Variants in PEX3 observed in about 807,000 individuals in gnomAD.
The protein encoded by PEX3 is peroxin-3.
Under a neutral mutation model 55.8 loss-of-function variants are expected in PEX3, and 30 were observed. That is an observed-to-expected ratio of 0.54 (90% confidence interval 0.40 to 0.73). PEX3 has a LOEUF of 0.73. PEX3 is among the 30% of genes least tolerant of loss of function. PEX3 has a pLI of 0.00. For missense variants in PEX3, 351 were observed against 432.8 expected, an observed-to-expected ratio of 0.81 and a Z score of 1.68; for synonymous variants, 135 against 148.4, an observed-to-expected ratio of 0.91 and a Z score of 0.66.
Position 143,473,814 on chromosome 6 carries a change from G to A in PEX3, c.748-972G>A, listed in dbSNP as rs1455518422. On this transcript the variant is annotated intron_variant, in intron 8 of 11. Transcript: ENST00000367591. ...TTAAGCTCAGCAGTTCGAGTCCGTG[G>A]TGTGCTATGGTTGCACCATTGCACT... 2.6e-5 allele frequency among the ~76,000 whole-genome samples: 4 copies of A among 151,948 alleles called. No individual in the cohort carries two copies. In the East Asian group the frequency reaches 7.7e-4, roughly 29 times the overall value.
chr6:143,472,023 C>T, intron 7 of PEX3, 137 bp from the exon 8 acceptor site: 1 of 688,920 alleles, frequency 1.5e-6, no homozygotes. Flanking sequence ...ATTTCGTAAT[C>T]CATTCTATTC....
rs1780356512 is a variant in PEX3 at position 143,489,388 on chromosome 6, TA to T, written c.*164del. 1.4e-5 allele frequency: 8 copies of T among 575,654 alleles called. No homozygotes were observed. Among genetic ancestry groups the T allele is most frequent in the Non-Finnish European group, 2.2e-5 (7 of 322,866 alleles). 35.7% of individuals were successfully genotyped at this position (575,654 alleles called of 1,614,324 possible). A position where few individuals can be genotyped will look rare whatever the true frequency, so the allele number is the denominator to read the frequency against. ...AATGAAATCAATTTATTTGGCATCT[TA>T]ATATATTTTTTTAGATTCATCAACA... is the stretch of plus-strand genomic sequence containing the variant. On this transcript the variant is annotated 3_prime_UTR_variant, in exon 12 of 12. Coordinates refer to ENST00000367591, the MANE Select transcript of PEX3 (RefSeq NM_003630.3). The surrounding 1 kb of genome is among the most constrained non-coding windows in gnomAD (Gnocchi z 5.5).
intron 4 of PEX3, among the ~76,000 whole-genome samples, chr6:143,469,933 T>G (rs1393349967): frequency 6.6e-6 from 1 of 152,158 alleles, no homozygotes; most frequent in African/African-American, 2.4e-5. Flanking sequence ...TGTAGTTCCT[T>G]TCAGCTTTTA....
At position 143,451,015 on chromosome 6, in the gene PEX3, A is replaced by G. The variant is rs369640343; in HGVS notation, c.-28A>G. On this transcript the variant is annotated 5_prime_UTR_variant, in exon 1 of 12. Coordinates refer to ENST00000367591, the MANE Select transcript of PEX3 (RefSeq NM_003630.3). This position sits in a 1 kb window ranked among gnomAD's most constrained non-coding sequence, Gnocchi z 4.1. The stretch of plus-strand genomic sequence containing the variant: ...CCTGGTGAAGCAGTCCCTCACCCCT[A>G]GTCAGCCCACACCCCTAGGGCCTAA... 16 of 1,549,568 alleles carry G rather than the reference A, an allele frequency of 1.0e-5. No homozygotes were observed. In the African/African-American group the frequency reaches 1.5e-4, roughly 14 times the overall value.
At chr6:143,477,564 G>A (rs1379187199) in intron 9 of PEX3, among the ~76,000 whole-genome samples, 1 of 152,152 alleles carries the variant, frequency 6.6e-6, no homozygotes, top group African/African-American at 2.4e-5. Context: ...GGGTAGATGG[G>A]TGGGACAAGT....
Position 143,488,413 on chromosome 6 carries a change from A to G in PEX3, c.1039-730A>G, listed in dbSNP as rs996736662. On this transcript the variant is annotated intron_variant, in intron 11 of 11. Transcript: ENST00000367591. This position sits in a 1 kb window ranked among gnomAD's most constrained non-coding sequence, Gnocchi z 4.9. ...CAAAATTTCTTTTAAAATTAAGTGT[A>G]TGATATAGCGGTATTGCTTCTTTAT... Among the ~76,000 whole-genome samples the G allele has an allele frequency of 2.6e-5, 4 of 152,158 alleles. No individual in the cohort carries two copies. The highest frequency in any genetic ancestry group is 9.6e-5 in the African/African-American group (4 of 41,462).
In PEX3 at chr6:143,476,741, A is replaced by C. The variant is rs1205338515; in HGVS notation, c.818+1885A>C. Reference sequence around the variant, plus strand: ...CATTTTGGCAGTGTTAAGCATATCCAAGTGGATATGCCTATTGGCAATTGA... The same window carrying C: ...CATTTTGGCAGTGTTAAGCATATCCCAGTGGATATGCCTATTGGCAATTGA... On this transcript the variant is annotated intron_variant, in intron 9 of 11. Transcript: ENST00000367591. This position sits in a 1 kb window ranked among gnomAD's most constrained non-coding sequence, Gnocchi z 5.4. Among the ~76,000 whole-genome samples the C allele has an allele frequency of 6.6e-6, 1 of 152,224 alleles. No homozygotes were observed. The highest frequency in any genetic ancestry group is 1.5e-5 in the Non-Finnish European group (1 of 68,030).
rs1779949621 is a variant in PEX3 at position 143,463,344 on chromosome 6, T to G, written c.287+347T>G. 6.6e-6 allele frequency among the ~76,000 whole-genome samples: 1 copy of G among 152,234 alleles called. No homozygotes were observed. The highest frequency in any genetic ancestry group is 1.5e-5 in the Non-Finnish European group (1 of 68,030). Reference sequence around the variant, plus strand: ...ACAAAGTTACGTTAAATATTGTGCTTCTTTCTGAAAGAGCTTACGGTGTAA... The same window carrying G: ...ACAAAGTTACGTTAAATATTGTGCTGCTTTCTGAAAGAGCTTACGGTGTAA... On this transcript the variant is annotated intron_variant, in intron 3 of 11. Coordinates refer to ENST00000367591, the MANE Select transcript of PEX3 (RefSeq NM_003630.3). The surrounding 1 kb of genome is among the most constrained non-coding windows in gnomAD (Gnocchi z 5.7).
rs1779763174 is a variant in PEX3 at position 143,451,460 on chromosome 6, C to T, written c.73+345C>T. 6.6e-6 allele frequency among the ~76,000 whole-genome samples: 1 copy of T among 152,128 alleles called. No individual in the cohort carries two copies. The highest frequency in any genetic ancestry group is 1.5e-5 in the Non-Finnish European group (1 of 68,028). ...AAAAATTCTGCTTTCCTGTGAGATTCTGCATTTCTCCTTGGCACTCTTGAT... is the reference window on the plus strand; with the variant it reads ...AAAAATTCTGCTTTCCTGTGAGATTTTGCATTTCTCCTTGGCACTCTTGAT... On this transcript the variant is annotated intron_variant, in intron 1 of 11. Transcript: ENST00000367591. This position sits in a 1 kb window ranked among gnomAD's most constrained non-coding sequence, Gnocchi z 4.1.
intron 2 of PEX3, among the ~76,000 whole-genome samples, chr6:143,461,544 T>C (rs1403275328): frequency 2.6e-5 from 4 of 151,846 alleles, no homozygotes; most frequent in Non-Finnish European, 5.9e-5. Flanking sequence ...TAATATCAAA[T>C]TTCTATTCCT....
chr6:143,474,713 T>C, intron 8 of PEX3, 73 bp from the exon 9 acceptor site: 1 of 834,210 alleles, frequency 1.2e-6, no homozygotes, highest in Non-Finnish European at 2.1e-6. Flanking sequence ...TCTTTATTTA[T>C]GAATGTGATT....
intron 4 of PEX3, among the ~76,000 whole-genome samples, 169 bp from the exon 5 acceptor site, chr6:143,470,792 C>T (rs574095242): frequency 1.3e-5 from 2 of 152,174 alleles, no homozygotes; most frequent in Admixed American, 6.5e-5. Context: ...TTTTATTAAA[C>T]AATTGTGAGG....
Position 143,453,287 on chromosome 6 carries a change from GACAGGCTTGAAAGCTGGGTAGTATATCA to G in PEX3, c.73+2179_73+2206del, listed in dbSNP as rs1779799661. 6.6e-6 allele frequency among the ~76,000 whole-genome samples: 1 copy of G among 152,162 alleles called. No individual in the cohort carries two copies. Among genetic ancestry groups the G allele is most frequent in the South Asian group, 2.1e-4 (1 of 4,826 alleles). ...TTTCATGGAAGAAGAGACACATTTT[GACAGGCTTGAAAGCTGGGTAGTATATCA>G]ACAGGCATGCGCAGAGAAGTTTGGG... On this transcript the variant is annotated intron_variant, in intron 1 of 11. Transcript: ENST00000367591. This position sits in a 1 kb window ranked among gnomAD's most constrained non-coding sequence, Gnocchi z 4.6.
intron 2 of PEX3, among the ~76,000 whole-genome samples, chr6:143,460,160 T>G (rs893416858): frequency 6.6e-6 from 1 of 152,202 alleles, no homozygotes; most frequent in African/African-American, 2.4e-5. Context: ...AAATTAGAAA[T>G]TTTTTAGAGT....
intron 4 of PEX3, among the ~76,000 whole-genome samples, chr6:143,469,108 C>G (rs1364273812): frequency 1.3e-5 from 2 of 152,158 alleles, no homozygotes; most frequent in Non-Finnish European, 2.9e-5. Flanking sequence ...CAAGTCTTTG[C>G]TATTGTGAAT....
At position 143,462,843 on chromosome 6, in the gene PEX3, A is replaced by C. The variant is rs1326329911; in HGVS notation, c.206-73A>C. 2.6e-6 allele frequency: 3 copies of C among 1,139,462 alleles called. No individual in the cohort carries two copies. Among genetic ancestry groups the C allele is most frequent in the Non-Finnish European group, 4.0e-6 (3 of 747,200 alleles). 70.6% of individuals were successfully genotyped at this position (1,139,462 alleles called of 1,614,324 possible). On this transcript the variant is annotated intron_variant, in intron 2 of 11. Transcript: ENST00000367591. This position sits in a 1 kb window ranked among gnomAD's most constrained non-coding sequence, Gnocchi z 4.1. ...TTGCTAGCCCTATCATATAGCCTAA[A>C]ACAATGCGCATTTCTTAGTGAGGGC... is the stretch of plus-strand genomic sequence containing the variant.
chr6:143,486,310 C>CCTCTT lies in PEX3; in HGVS notation c.1038+1065_1038+1069dup, dbSNP rs749865338. On this transcript the variant is annotated intron_variant, in intron 11 of 11. Transcript: ENST00000367591. The surrounding 1 kb of genome is among the most constrained non-coding windows in gnomAD (Gnocchi z 5.0). ...ATTTAAACCTTACCTTTACCTTTGT[C>CCTCTT]CTCTTCTGTAGAAGTCCCTGGCTTG... Among the ~76,000 whole-genome samples, 12 of 152,118 alleles carry CCTCTT rather than the reference C, an allele frequency of 7.9e-5. No homozygotes were observed. The highest frequency in any genetic ancestry group is 1.6e-4 in the Non-Finnish European group (11 of 68,002).
rs570146001 is a variant in PEX3, at chr6:143,466,482, G to T, written c.288-1640G>T. 1.3e-5 allele frequency among the ~76,000 whole-genome samples: 2 copies of T among 151,950 alleles called. No individual in the cohort carries two copies. The highest frequency in any genetic ancestry group is 2.9e-5 in the Non-Finnish European group (2 of 67,940). On this transcript the variant is annotated intron_variant, in intron 3 of 11. Coordinates refer to ENST00000367591, the MANE Select transcript of PEX3 (RefSeq NM_003630.3). This position sits in a 1 kb window ranked among gnomAD's most constrained non-coding sequence, Gnocchi z 5.4. Reference sequence around the variant, plus strand: ...CAGAGTAATGATGCTGGCATATTACGGTTGTGCTATTTTATTGTGAGTTAT... The same window carrying T: ...CAGAGTAATGATGCTGGCATATTACTGTTGTGCTATTTTATTGTGAGTTAT...
chr6:143,461,508 A>G (rs1224154529), intron 2 of PEX3, among the ~76,000 whole-genome samples: 2 of 152,142 alleles, frequency 1.3e-5, no homozygotes, highest in African/African-American at 4.8e-5. Flanking sequence ...AATTCATAAC[A>G]TGAGCAATGA....
Sources: allele counts gnomAD v4.1 joint callset (sites outside exome capture counted in the v4.1 genomes callset), GRCh38; gene constraint gnomAD v4.1.1; non-coding constraint Gnocchi (gnomAD v3.1); transcripts MANE v1.5; gene names NCBI Gene and HGNC (gene_info 2026-07-23, HGNC 2026-07-21).